CDH13: variants seen among roughly 807,000 people sequenced by gnomAD.
CDH13 encodes cadherin-13.
A neutral mutation model predicts 63.8 loss-of-function variants in CDH13; 24 were observed. The ratio of observed to expected loss-of-function variants is 0.38; its 90% CI spans 0.27 to 0.53. The LOEUF (loss-of-function observed/expected upper bound fraction) is 0.53, where lower values mean the gene tolerates loss of function less well. CDH13 is among the 20% of genes least tolerant of loss of function. The pLI is 0.85. For missense variants in CDH13, 1,049 were observed against 903.1 expected (o/e 1.16, Z -2.07); for synonymous variants, 503 against 355.3 (o/e 1.42, Z -4.67).
intron 3 of CDH13, among the ~76,000 whole-genome samples, chr16:83,115,233 T>C (rs148699402): frequency 5.9e-5 from 9 of 152,220 alleles, no homozygotes; most frequent in African/African-American, 2.2e-4. Flanking sequence ...TTGGGATGAG[T>C]CTTTTACATC....
intron 6 of CDH13, among the ~76,000 whole-genome samples, chr16:83,382,313 G>T (rs1260801020): frequency 6.6e-6 from 1 of 152,058 alleles, no homozygotes; most frequent in Non-Finnish European, 1.5e-5. Flanking sequence ...TCCTTAATTG[G>T]TTGTGCAAAT....
chr16:83,411,143 C>T (rs543780932), intron 6 of CDH13, among the ~76,000 whole-genome samples: 2 of 152,288 alleles, frequency 1.3e-5, no homozygotes, highest in Admixed American at 1.3e-4. Context: ...AGGTGCCAAC[C>T]TCATTCCTGT....
chr16:83,678,328 C>G lies in CDH13; in HGVS notation c.1405C>G (p.Leu469Val), dbSNP rs775260320. ...CACAGCCACCGTCCACATCACTGTC[C>G]TGGATGTCAACGAGGGCCCAGTCTT... ...SSTATVHITV[L>V]DVNEGPVFYP... Residue 469 changes from leucine (L) to valine (V), a missense_variant, in exon 10 of 14, where the codon CTG becomes GTG. Physicochemically the swap from Leu to Val is conservative, Grantham distance 32 (BLOSUM62 1). Coordinates refer to ENST00000567109, the MANE Select transcript of CDH13 (RefSeq NM_001257.5). The G allele has an allele frequency of 6.2e-7, 1 of 1,614,008 alleles. No individual in the cohort carries two copies. The highest frequency in any genetic ancestry group is 8.5e-7 in the Non-Finnish European group (1 of 1,179,906).
chr16:83,720,690 C>T (rs1174793811), intron 10 of CDH13, among the ~76,000 whole-genome samples: 1 of 152,160 alleles, frequency 6.6e-6, no homozygotes, highest in Non-Finnish European at 1.5e-5. Context: ...TGCCAGACAC[C>T]TTTGCCACGC....
At chr16:83,245,233 C>A (rs957858920) in intron 5 of CDH13, among the ~76,000 whole-genome samples, 1 of 152,280 alleles carries the variant, frequency 6.6e-6, no homozygotes, top group African/African-American at 2.4e-5. Context: ...CTCTCTGCCA[C>A]CCCCCACTGT....
At chr16:82,878,693 G>A (rs907773086) in intron 2 of CDH13, among the ~76,000 whole-genome samples, 2 of 151,220 alleles carry the variant, frequency 1.3e-5, no homozygotes, top group African/African-American at 4.8e-5. Context: ...GGGTTGGGGA[G>A]ACACAAGCAG....
chr16:83,572,946 T>C (rs1904777842), intron 7 of CDH13, among the ~76,000 whole-genome samples: 1 of 152,200 alleles, frequency 6.6e-6, no homozygotes, highest in African/African-American at 2.4e-5. Context: ...ACATAAAGGA[T>C]TGAAATGTGT....
At chr16:83,674,890 G>C (rs2059245) in intron 9 of CDH13, among the ~76,000 whole-genome samples, 1 of 152,242 alleles carries the variant, frequency 6.6e-6, no homozygotes, top group African/African-American at 2.4e-5. Flanking sequence ...CCTCAAAGAA[G>C]GTAGTATCCA....
At chr16:82,742,630 G>A (rs550811772) in intron 1 of CDH13, among the ~76,000 whole-genome samples, 21 of 152,202 alleles carry the variant, frequency 1.4e-4, no homozygotes, top group African/African-American at 4.3e-4. Flanking sequence ...TTTCTCTAAT[G>A]TAATTGTACC....
At chr16:82,838,447 C>T (rs919937393) in intron 1 of CDH13, among the ~76,000 whole-genome samples, 34 of 152,076 alleles carry the variant, frequency 2.2e-4, no homozygotes, top group African/African-American at 8.0e-4. Flanking sequence ...AAATGAAGCC[C>T]CCACACCCTT....
chr16:83,307,166 G>A (rs570864434), intron 5 of CDH13, among the ~76,000 whole-genome samples: 43 of 152,206 alleles, frequency 2.8e-4, no homozygotes, highest in Non-Finnish European at 5.3e-4. Flanking sequence ...GGGAATGTAA[G>A]TGGTAACGCC....
At chr16:83,362,496 A>G (rs1051303416) in intron 6 of CDH13, among the ~76,000 whole-genome samples, 2 of 152,212 alleles carry the variant, frequency 1.3e-5, no homozygotes, top group Admixed American at 6.5e-5. Flanking sequence ...GCAAGCCATC[A>G]TGGCTCACCT....
chr16:82,793,618 G>A (rs2036426899), intron 1 of CDH13, among the ~76,000 whole-genome samples: 1 of 152,058 alleles, frequency 6.6e-6, no homozygotes. Flanking sequence ...AACCCTGAAA[G>A]TATTTTTATG....
intron 5 of CDH13, among the ~76,000 whole-genome samples, chr16:83,298,965 T>A (rs1389442303): frequency 6.6e-6 from 1 of 152,220 alleles, no homozygotes; most frequent in Non-Finnish European, 1.5e-5. Flanking sequence ...GTAAAAGTAA[T>A]GCATGCTTGT....
chr16:83,610,050 C>G (rs1341203817), intron 8 of CDH13, among the ~76,000 whole-genome samples: 2 of 152,150 alleles, frequency 1.3e-5, no homozygotes, highest in Non-Finnish European at 2.9e-5. Flanking sequence ...TGTCTTAGTA[C>G]TTCATTTCTT....
intron 10 of CDH13, among the ~76,000 whole-genome samples, chr16:83,718,920 G>T (rs749802075): frequency 6.6e-6 from 1 of 152,194 alleles, no homozygotes; most frequent in Admixed American, 6.5e-5. Context: ...CCTGAGAGAG[G>T]TGCTGATTCT....
chr16:83,750,758 C>T (rs1210329463), intron 11 of CDH13, among the ~76,000 whole-genome samples: 1 of 152,124 alleles, frequency 6.6e-6, no homozygotes, highest in Non-Finnish European at 1.5e-5. Flanking sequence ...GGAGAGCCTT[C>T]CTCACATCCC....
At chr16:83,286,706 A>G (rs1430722765) in intron 5 of CDH13, among the ~76,000 whole-genome samples, 7 of 151,322 alleles carry the variant, frequency 4.6e-5, no homozygotes, top group Non-Finnish European at 1.0e-4. Flanking sequence ...CAGTGAACCA[A>G]GATGGTACTA....
At chr16:82,673,648 C>T (rs1309057024) in intron 1 of CDH13, among the ~76,000 whole-genome samples, 3 of 152,212 alleles carry the variant, frequency 2.0e-5, no homozygotes, top group Non-Finnish European at 4.4e-5. Flanking sequence ...TGGCGAGAGC[C>T]TCCCTAAAGA....
Sources: allele counts gnomAD v4.1 joint callset (sites outside exome capture counted in the v4.1 genomes callset), GRCh38; gene constraint gnomAD v4.1.1; transcripts MANE v1.5; gene names NCBI Gene and HGNC (gene_info 2026-07-23, HGNC 2026-07-21).